ROBO1: variants seen among roughly 807,000 people sequenced by gnomAD.
The protein encoded by ROBO1 is roundabout guidance receptor 1, also known as roundabout homolog 1.
A neutral mutation model predicts 195.9 loss-of-function variants in ROBO1; 149 were observed. The ratio of observed to expected loss-of-function variants is 0.76; its 90% CI spans 0.67 to 0.87. The LOEUF (loss-of-function observed/expected upper bound fraction) is 0.87, where lower values mean the gene tolerates loss of function less well. Ranked by LOEUF, ROBO1 falls within the 40% of genes least tolerant of loss-of-function variation. The pLI is 0.00. For synonymous variants in ROBO1, 816 were observed against 733.2 expected, an observed-to-expected ratio of 1.11 and a Z score of -1.82; for missense variants, 1,933 against 2,068.3, an observed-to-expected ratio of 0.93 and a Z score of 1.27.
At chr3:79,395,548 T>C (rs568044721) in intron 2 of ROBO1, among the ~76,000 whole-genome samples, 69 of 152,070 alleles carry the variant, frequency 4.5e-4, no homozygotes, top group African/African-American at 1.6e-3. Context: ...CTATGGTCAT[T>C]GTAGAAAGTT....
rs781219359 is a variant in ROBO1 at position 79,018,504 on chromosome 3, G to A, written c.173-79577C>T. Reference sequence around the variant, plus strand: ...TGTATACAGTCTCATGCCAAGAGGAGGGAGTGGAAATAGGGTCCCCAAATG... The same window carrying A: ...TGTATACAGTCTCATGCCAAGAGGAAGGAGTGGAAATAGGGTCCCCAAATG... On this transcript the variant is annotated intron_variant, in intron 3 of 30. Coordinates refer to ENST00000464233, the MANE Select transcript of ROBO1 (RefSeq NM_002941.4). 3 of 1,612,346 alleles carry A rather than the reference G, an allele frequency of 1.9e-6. No individual in the cohort carries two copies. The Admixed American group carries it at 5.0e-5, about 27-fold the overall frequency.
chr3:79,466,962 T>C (rs1181095554), intron 2 of ROBO1, among the ~76,000 whole-genome samples: 1 of 152,064 alleles, frequency 6.6e-6, no homozygotes, highest in Non-Finnish European at 1.5e-5. Context: ...GGTTAAGGGA[T>C]GAGAATCAGT....
chr3:79,492,531 A>G (rs1264629411), intron 2 of ROBO1, among the ~76,000 whole-genome samples: 4 of 151,716 alleles, frequency 2.6e-5, no homozygotes, highest in South Asian at 4.1e-4. Flanking sequence ...TTAAAGATAT[A>G]ATATATAAAT....
chr3:78,801,878 A>G (rs1371856329), intron 4 of ROBO1, among the ~76,000 whole-genome samples: 2 of 152,134 alleles, frequency 1.3e-5, no homozygotes, highest in Admixed American at 6.5e-5. Context: ...CAAGAACAGG[A>G]AACACTTCCT....
chr3:79,616,554 G>A (rs1213130304), intron 1 of ROBO1, among the ~76,000 whole-genome samples: 1 of 152,026 alleles, frequency 6.6e-6, no homozygotes, highest in Non-Finnish European at 1.5e-5. Context: ...CCTGGCCAGA[G>A]AGCCCCCTTT....
chr3:78,795,825 C>T (rs2084170479), intron 4 of ROBO1, among the ~76,000 whole-genome samples: 1 of 151,840 alleles, frequency 6.6e-6, no homozygotes, highest in African/African-American at 2.4e-5. Flanking sequence ...GGACAGGCAC[C>T]AGGAAATACC....
intron 2 of ROBO1, among the ~76,000 whole-genome samples, chr3:79,559,184 C>T (rs942519729): frequency 3.9e-5 from 6 of 152,114 alleles, no homozygotes; most frequent in African/African-American, 7.2e-5. Context: ...GCTGATGTAC[C>T]GACTTAGCTT....
chr3:79,527,349 C>A (rs1166517374), intron 2 of ROBO1, among the ~76,000 whole-genome samples: 1 of 151,782 alleles, frequency 6.6e-6, no homozygotes, highest in East Asian at 1.9e-4. Flanking sequence ...TAGGATAACC[C>A]CAAATAATCT....
intron 1 of ROBO1, among the ~76,000 whole-genome samples, chr3:79,657,458 A>G (rs755984738): frequency 2.6e-5 from 4 of 152,128 alleles, no homozygotes; most frequent in Non-Finnish European, 4.4e-5. Context: ...ACACATGAAT[A>G]TATTTTCCAA....
At chr3:79,474,350 G>C (rs1273704246) in intron 2 of ROBO1, among the ~76,000 whole-genome samples, 1 of 152,088 alleles carries the variant, frequency 6.6e-6, no homozygotes, top group Non-Finnish European at 1.5e-5. Flanking sequence ...AAGCATGATG[G>C]CTTTTTAGGC....
At chr3:78,691,640 C>T (rs968552320) in intron 8 of ROBO1, among the ~76,000 whole-genome samples, 2 of 152,052 alleles carry the variant, frequency 1.3e-5, no homozygotes, top group Non-Finnish European at 2.9e-5. Context: ...ATGCAAAGAT[C>T]GAGAGTGTAT....
At chr3:79,631,918 C>T (rs1945354672) in intron 1 of ROBO1, among the ~76,000 whole-genome samples, 1 of 152,054 alleles carries the variant, frequency 6.6e-6, no homozygotes, top group South Asian at 2.1e-4. Context: ...AGTTAAACCA[C>T]AGTGAGATGC....
chr3:78,899,437 A>G (rs1260576101), intron 4 of ROBO1, among the ~76,000 whole-genome samples: 2 of 152,240 alleles, frequency 1.3e-5, no homozygotes, highest in Admixed American at 6.5e-5. Context: ...TCAATATTCA[A>G]TAAGAGGATG....
In ROBO1 at chr3:79,154,848, C is replaced by T. The variant is rs116836584; in HGVS notation, c.89-29309G>A. Among the ~76,000 whole-genome samples the T allele has an allele frequency of 8.7e-3, 1,320 of 151,840 alleles. 7 individuals are homozygous for T. Among genetic ancestry groups the T allele is most frequent in the Non-Finnish European group, 0.014 (924 of 67,812 alleles). ...AATTCCTTGAGCACTTATGTTAGGG[C>T]GGAAATTTGTTTTACCTGCAACAAT... On this transcript the variant is annotated intron_variant, in intron 2 of 30. Coordinates refer to ENST00000464233, the MANE Select transcript of ROBO1 (RefSeq NM_002941.4).
At chr3:79,616,223 A>G (rs1455678145) in intron 1 of ROBO1, among the ~76,000 whole-genome samples, 1 of 152,198 alleles carries the variant, frequency 6.6e-6, no homozygotes, top group African/African-American at 2.4e-5. Flanking sequence ...TCATCCTGGC[A>G]TCATACTGGT....
chr3:79,346,897 G>C (rs146012694), intron 2 of ROBO1, among the ~76,000 whole-genome samples: 8 of 151,892 alleles, frequency 5.3e-5, no homozygotes, highest in African/African-American at 1.9e-4. Flanking sequence ...AGTTGGAATA[G>C]TTTTCAAATC....
At chr3:79,273,861 TA>T (rs1344319133) in intron 2 of ROBO1, among the ~76,000 whole-genome samples, 3 of 151,856 alleles carry the variant, frequency 2.0e-5, no homozygotes, top group African/African-American at 4.8e-5. Context: ...AAAACAGATT[TA>T]AAAAACTATA....
intron 1 of ROBO1, among the ~76,000 whole-genome samples, chr3:79,705,051 T>A (rs1947727357): frequency 1.3e-5 from 2 of 151,966 alleles, no homozygotes; most frequent in South Asian, 2.1e-4. Flanking sequence ...TCTTCTTGAG[T>A]TTTACAAGTT....
chr3:79,083,025 C>T (rs1363071320), intron 3 of ROBO1, among the ~76,000 whole-genome samples: 1 of 152,170 alleles, frequency 6.6e-6, no homozygotes, highest in African/African-American at 2.4e-5. Flanking sequence ...CTCTGAGTGA[C>T]TAAAGAAATA....
Sources: gnomAD v4.1 joint callset for allele counts (sites outside exome capture counted in the v4.1 genomes callset) on GRCh38, gnomAD v4.1.1 for gene constraint, MANE v1.5 for transcripts, NCBI Gene and HGNC (gene_info 2026-07-23, HGNC 2026-07-21) for gene names.